ZNF385D: variants seen among roughly 807,000 people sequenced by gnomAD.
The protein encoded by ZNF385D is zinc finger protein 659.
Under a neutral mutation model 35.8 loss-of-function variants are expected in ZNF385D, and 15 were observed. The ratio of observed to expected loss-of-function variants is 0.42; its 90% CI spans 0.28 to 0.64. The LOEUF (loss-of-function observed/expected upper bound fraction) is 0.64. Among genes scored for constraint, ZNF385D ranks in the 30% least tolerant of loss-of-function variants. The pLI is 0.23. For missense variants in ZNF385D, 474 were observed against 494.6 expected, an observed-to-expected ratio of 0.96 and a Z score of 0.39; for synonymous variants, 212 against 186.8, an observed-to-expected ratio of 1.13 and a Z score of -1.10.
chr3:22,204,972 C>A (rs1697050630), intron 2 of ZNF385D, among the ~76,000 whole-genome samples: 1 of 115,712 alleles, frequency 8.6e-6, no homozygotes. Context: ...AGAGGACTGA[C>A]CAAATCCAAA....
intron 1 of ZNF385D, among the ~76,000 whole-genome samples, chr3:21,713,362 C>A (rs1052914135): frequency 4.6e-5 from 7 of 152,190 alleles, no homozygotes; most frequent in African/African-American, 1.7e-4. Flanking sequence ...TTTTCACCAT[C>A]TTGGTGCTGA....
intron 3 of ZNF385D, among the ~76,000 whole-genome samples, chr3:21,786,633 G>T (rs2125648472): frequency 6.6e-6 from 1 of 152,286 alleles, no homozygotes; most frequent in East Asian, 1.9e-4. Flanking sequence ...CAAAAACTGT[G>T]ATCTGGAACA....
At chr3:22,086,929 G>A (rs963201501) in intron 3 of ZNF385D, among the ~76,000 whole-genome samples, 1 of 151,976 alleles carries the variant, frequency 6.6e-6, no homozygotes, top group Non-Finnish European at 1.5e-5. Context: ...ACCAGGTCCT[G>A]TCGTGGGGTG....
At chr3:21,522,173 G>A (rs1385063470) in intron 3 of ZNF385D, among the ~76,000 whole-genome samples, 1 of 152,154 alleles carries the variant, frequency 6.6e-6, no homozygotes, top group South Asian at 2.1e-4. Flanking sequence ...AATAGGAAAA[G>A]TTGAGCAAAC....
At chr3:22,305,531 G>T (rs956821420) in intron 2 of ZNF385D, among the ~76,000 whole-genome samples, 1 of 152,214 alleles carries the variant, frequency 6.6e-6, no homozygotes, top group South Asian at 2.1e-4. Context: ...TCTTCCCCGT[G>T]TCTCAGGCTG....
intron 3 of ZNF385D, among the ~76,000 whole-genome samples, chr3:21,918,251 G>T (rs564151597): frequency 3.3e-5 from 5 of 152,202 alleles, no homozygotes; most frequent in African/African-American, 9.6e-5. Context: ...TGAGTCTTAG[G>T]GCAGGCCTTT....
At chr3:21,932,166 C>CAAAAAAAAAAAAAAAAAAAAAAA (rs543138588) in intron 3 of ZNF385D, among the ~76,000 whole-genome samples, 5 of 55,338 alleles carry the variant, frequency 9.0e-5, no homozygotes, top group South Asian at 8.8e-4. Context: ...GACTCATTCT[C>CAAAAAAAAAAAAAAAAAAAAAAA]AAAAAAAAAA....
intron 3 of ZNF385D, among the ~76,000 whole-genome samples, chr3:22,017,303 G>A (rs1696953194): frequency 6.6e-6 from 1 of 151,918 alleles, no homozygotes; most frequent in Non-Finnish European, 1.5e-5. Context: ...ACTCCATTCT[G>A]AGTAATATTT....
In ZNF385D at chr3:22,040,816, A is replaced by G. The variant is rs559835323; in HGVS notation, c.325+128001T>C. Reference sequence around the variant, plus strand: ...TGACAGACTAGAAAAAATAGAGTAAATGGAATGAAATACAAAGGCAATAAA... The same window carrying G: ...TGACAGACTAGAAAAAATAGAGTAAGTGGAATGAAATACAAAGGCAATAAA... On this transcript the variant is annotated intron_variant, in intron 3 of 5. Coordinates refer to the ZNF385D transcript ENST00000494108. 8.5e-5 allele frequency among the ~76,000 whole-genome samples: 13 copies of G among 152,288 alleles called. No homozygotes were observed. In the South Asian group the frequency reaches 1.4e-3, roughly 17 times the overall value.
intron 3 of ZNF385D, chr3:21,979,872 T>C (rs149816577): frequency 3.9e-4 from 59 of 152,330 alleles, no homozygotes; most frequent in Middle Eastern, 6.8e-3. Context: ...AGAGTAACTA[T>C]TGCTGTTGTG....
intron 3 of ZNF385D, among the ~76,000 whole-genome samples, chr3:22,086,201 A>C (rs980860296): frequency 1.1e-4 from 17 of 152,218 alleles, no homozygotes; most frequent in Admixed American, 9.2e-4. Context: ...AGTTCTGGCC[A>C]GGGCAATCAG....
intron 2 of ZNF385D, among the ~76,000 whole-genome samples, chr3:22,195,355 C>T (rs1296563294): frequency 3.9e-5 from 6 of 151,904 alleles, no homozygotes; most frequent in East Asian, 1.9e-4. Flanking sequence ...TTTGAGATTA[C>T]GTACCCACAC....
chr3:21,425,924 A>G (rs1701001829), intron 5 of ZNF385D, among the ~76,000 whole-genome samples: 1 of 152,124 alleles, frequency 6.6e-6, no homozygotes, highest in Non-Finnish European at 1.5e-5. Flanking sequence ...TTTTTTTTCT[A>G]ATGCTCCGCA....
At chr3:21,994,164 C>T (rs1035983826) in intron 3 of ZNF385D, among the ~76,000 whole-genome samples, 7 of 152,210 alleles carry the variant, frequency 4.6e-5, no homozygotes, top group Non-Finnish European at 8.8e-5. Flanking sequence ...ACTTTGACTA[C>T]AGGTGTGTTC....
intron 2 of ZNF385D, among the ~76,000 whole-genome samples, chr3:22,273,640 C>T (rs1271560631): frequency 6.6e-6 from 1 of 151,794 alleles, no homozygotes; most frequent in Non-Finnish European, 1.5e-5. Context: ...GATTCTCATA[C>T]AGATATAAAA....
chr3:22,082,253 C>T (rs1824974), intron 3 of ZNF385D, among the ~76,000 whole-genome samples: 19,334 of 152,076 alleles, frequency 0.13, 1,551 homozygotes, highest in Middle Eastern at 0.24. Context: ...CAGGGCATCG[C>T]CTCACCCAGT....
chr3:21,606,967 T>C (rs2064502612), intron 2 of ZNF385D, among the ~76,000 whole-genome samples: 3 of 152,208 alleles, frequency 2.0e-5, no homozygotes, highest in African/African-American at 2.4e-5. Flanking sequence ...TCTCCCTCTC[T>C]TGTGTACTCA....
intron 1 of ZNF385D, among the ~76,000 whole-genome samples, chr3:21,727,598 A>C (rs2068822027): frequency 6.6e-6 from 1 of 152,224 alleles, no homozygotes; most frequent in African/African-American, 2.4e-5. Context: ...GAGAAATGCA[A>C]ATCAAAACCG....
intron 3 of ZNF385D, among the ~76,000 whole-genome samples, chr3:21,885,768 GTGTGTGTGTA>G (rs1698514152): frequency 7.2e-6 from 1 of 139,184 alleles, no homozygotes. Flanking sequence ...GTGTGTGTGT[GTGTGTGTGTA>G]GAAAGAAAGA....
Sources: allele counts gnomAD v4.1 joint callset (sites outside exome capture counted in the v4.1 genomes callset), GRCh38; gene constraint gnomAD v4.1.1; transcripts MANE v1.5; gene names NCBI Gene and HGNC (gene_info 2026-07-23, HGNC 2026-07-21).